The following IMPG1 variants were observed in gnomAD, a reference collection of about 807,000 sequenced individuals.
IMPG1 encodes interphotoreceptor matrix proteoglycan 1.
Under a neutral mutation model 92.0 loss-of-function variants are expected in IMPG1, and 85 were observed. The ratio of observed to expected loss-of-function variants is 0.92; its 90% CI spans 0.78 to 1.11. The LOEUF (loss-of-function observed/expected upper bound fraction) is 1.11. Ranked by LOEUF, IMPG1 falls within the 50% of genes least tolerant of loss-of-function variation. IMPG1 has a pLI of 0.00. For synonymous variants in IMPG1, 367 were observed against 334.1 expected, an observed-to-expected ratio of 1.10 and a Z score of -1.08; for missense variants, 1,022 against 956.0, an observed-to-expected ratio of 1.07 and a Z score of -0.91.
intron 1 of IMPG1, among the ~76,000 whole-genome samples, chr6:76,070,658 T>C (rs554701126): frequency 2.0e-5 from 3 of 152,306 alleles, no homozygotes; most frequent in South Asian, 4.1e-4. Flanking sequence ...ATAATGTCTT[T>C]TGTAGCAACC....
intron 12 of IMPG1, among the ~76,000 whole-genome samples, chr6:75,974,393 T>TCCTTCCTTCCTTGC (rs1562354842): frequency 1.5e-5 from 1 of 65,006 alleles, no homozygotes; most frequent in African/African-American, 5.9e-5. Context: ...CTTTCTTTCT[T>TCCTTCCTTCCTTGC]TTCTTTCTTT....
chr6:76,024,601 GA>G (rs558909688), intron 5 of IMPG1, among the ~76,000 whole-genome samples: 17 of 151,902 alleles, frequency 1.1e-4, no homozygotes, highest in African/African-American at 2.9e-4. Context: ...AAAATTTCTG[GA>G]AAAAAAATTT....
Position 76,005,383 on chromosome 6 carries a change from CTGGTTGCT to C in IMPG1, c.1031_1038del (p.Lys344ArgfsTer32). The stretch of plus-strand genomic sequence containing the variant: ...AGGTCTGTAGCTGTGAGATAGATTT[CTGGTTGCT>C]TGTCCTCCTCCATGGTTCCATGATA... On this transcript the variant is annotated frameshift_variant, in exon 10 of 17. Coordinates refer to ENST00000369950, the MANE Select transcript of IMPG1 (RefSeq NM_001563.4). LOFTEE classifies it high-confidence loss of function. The C allele has an allele frequency of 1.2e-6, 2 of 1,614,072 alleles. No individual in the cohort carries two copies. Among genetic ancestry groups the C allele is most frequent in the Non-Finnish European group, 1.7e-6 (2 of 1,179,960 alleles).
chr6:76,027,453 A>G (rs1049169433), intron 4 of IMPG1, among the ~76,000 whole-genome samples: 6 of 152,250 alleles, frequency 3.9e-5, no homozygotes, highest in African/African-American at 1.4e-4. Context: ...AATTGAAACT[A>G]CTGAAATTAG....
chr6:75,988,209 A>G (rs1782753984), intron 12 of IMPG1, among the ~76,000 whole-genome samples: 3 of 152,230 alleles, frequency 2.0e-5, no homozygotes, highest in Admixed American at 1.3e-4. Context: ...TGTCTTCCAC[A>G]ATGGTTGAAC....
At chr6:76,039,808 C>T (rs969583299) in intron 2 of IMPG1, among the ~76,000 whole-genome samples, 1 of 152,198 alleles carries the variant, frequency 6.6e-6, no homozygotes, top group Non-Finnish European at 1.5e-5. Context: ...AGCAGAAACA[C>T]ACTTGCCTCT....
chr6:75,955,811 G>C (rs182097471), intron 12 of IMPG1, among the ~76,000 whole-genome samples: 42 of 152,224 alleles, frequency 2.8e-4, no homozygotes, highest in African/African-American at 8.7e-4. Flanking sequence ...TAGCATGAAG[G>C]GCTGTTGAAT....
chr6:75,979,581 G>A (rs1782595571), intron 12 of IMPG1, among the ~76,000 whole-genome samples: 1 of 152,128 alleles, frequency 6.6e-6, no homozygotes, highest in Admixed American at 6.5e-5. Context: ...TGCTGAGAAA[G>A]GCAGGTCTAC....
In IMPG1 at chr6:75,960,470, A is replaced by G. The variant is rs568529336; in HGVS notation, c.1292-9376T>C. Reference sequence around the variant, plus strand: ...TAAAATACAGGATGCTCATTGGAACATACGTTTACTAAAAATTATTATTTT... The same window carrying G: ...TAAAATACAGGATGCTCATTGGAACGTACGTTTACTAAAAATTATTATTTT... On this transcript the variant is annotated intron_variant, in intron 12 of 16. Transcript: ENST00000369950. Among the ~76,000 whole-genome samples, 6 of 152,356 alleles carry G rather than the reference A, an allele frequency of 3.9e-5. No homozygotes were observed. In the South Asian group the frequency reaches 8.3e-4, roughly 21 times the overall value.
At chr6:75,922,210 G>A (rs755025157) in intron 16 of IMPG1, 44 bp from the exon 17 acceptor site, 4 of 814,994 alleles carry the variant, frequency 4.9e-6, no homozygotes, top group Non-Finnish European at 2.1e-6. Flanking sequence ...TGCCACCCAA[G>A]GTCAAACCAA....
intron 5 of IMPG1, among the ~76,000 whole-genome samples, chr6:76,023,307 A>G (rs1312941298): frequency 6.6e-6 from 1 of 152,208 alleles, no homozygotes; most frequent in East Asian, 1.9e-4. Context: ...TCAGACTATT[A>G]CCAATGTAAG....
At chr6:76,017,906 C>T (rs1409007103) in intron 7 of IMPG1, among the ~76,000 whole-genome samples, 8 of 152,264 alleles carry the variant, frequency 5.3e-5, no homozygotes, top group African/African-American at 1.7e-4. Context: ...GCGCCCACCA[C>T]CACACCCAGC....
chr6:76,040,986 A>G (rs925777897), intron 2 of IMPG1, among the ~76,000 whole-genome samples: 2 of 152,170 alleles, frequency 1.3e-5, no homozygotes, highest in Non-Finnish European at 2.9e-5. Flanking sequence ...GCTTTTTGCA[A>G]TGGAAGCAAA....
At chr6:75,932,717 T>C (rs1479461201) in intron 14 of IMPG1, among the ~76,000 whole-genome samples, 1 of 152,178 alleles carries the variant, frequency 6.6e-6, no homozygotes, top group Admixed American at 6.5e-5. Flanking sequence ...CTTTTTTTTT[T>C]GAGATGGAGT....
Position 75,969,252 on chromosome 6 carries a change from T to C in IMPG1, c.1292-18158A>G, listed in dbSNP as rs545129942. Among the ~76,000 whole-genome samples the C allele has an allele frequency of 2.6e-5, 4 of 152,186 alleles. No individual in the cohort carries two copies. The South Asian group carries it at 6.2e-4, about 24-fold the overall frequency. On this transcript the variant is annotated intron_variant, in intron 12 of 16. Transcript: ENST00000369950. The stretch of plus-strand genomic sequence containing the variant: ...GATCACGTGTATAACATGATGACTA[T>C]AGTTAATAGCAACGTATTGTATTTT...
In IMPG1 at chr6:76,035,595, G is replaced by C. The variant is rs911732889; in HGVS notation, c.302-808C>G. ...CCAGCAGTCTCCAAACTGGAGTGCA[G>C]GTCCCCTGGCTGTCCTTGAAGACTT... On this transcript the variant is annotated intron_variant, in intron 2 of 16. Transcript: ENST00000369950. 3.3e-5 allele frequency among the ~76,000 whole-genome samples: 5 copies of C among 151,928 alleles called. No homozygotes were observed. In the East Asian group the frequency reaches 9.7e-4, roughly 29 times the overall value.
At chr6:75,981,996 C>T (rs1006342709) in intron 12 of IMPG1, among the ~76,000 whole-genome samples, 11 of 152,274 alleles carry the variant, frequency 7.2e-5, no homozygotes, top group Middle Eastern at 3.4e-3. Flanking sequence ...TTGGAACAGA[C>T]AATTCTATTT....
intron 1 of IMPG1, among the ~76,000 whole-genome samples, chr6:76,051,712 G>C (rs1383651253): frequency 2.6e-5 from 4 of 152,132 alleles, no homozygotes; most frequent in Admixed American, 2.6e-4. Context: ...TGCCATCACT[G>C]TCTTTTTTAC....
In IMPG1 at chr6:75,945,357, T is replaced by C. The variant is rs1010910192; in HGVS notation, c.2044+1957A>G. Among the ~76,000 whole-genome samples, 9 of 147,366 alleles carry C rather than the reference T, an allele frequency of 6.1e-5. 1 individual carries two copies. The highest frequency in any genetic ancestry group is 2.3e-4 in the African/African-American group (9 of 39,768). Reference sequence around the variant, plus strand: ...TTTCTTTTCTTCTCTTTTTTTTTTTTCTTTTTTTTTTTTGAGAGGAGTCTC... The same window carrying C: ...TTTCTTTTCTTCTCTTTTTTTTTTTCCTTTTTTTTTTTTGAGAGGAGTCTC... On this transcript the variant is annotated intron_variant, in intron 14 of 16. Coordinates refer to ENST00000369950, the MANE Select transcript of IMPG1 (RefSeq NM_001563.4).
Sources: gnomAD v4.1 joint callset for allele counts (sites outside exome capture counted in the v4.1 genomes callset) on GRCh38, gnomAD v4.1.1 for gene constraint, MANE v1.5 for transcripts, NCBI Gene and HGNC (gene_info 2026-07-23, HGNC 2026-07-21) for gene names.